The following ZNF420 variants were observed in gnomAD, a reference collection of about 807,000 sequenced individuals.
The protein encoded by ZNF420 is ATM and p53-associated KZNF protein.
ZNF420 carries 31 observed loss-of-function variants against 44.7 expected under a neutral mutation model. That is an observed-to-expected ratio of 0.69 (90% CI 0.52 to 0.94). The LOEUF is 0.94. ZNF420 is among the 40% of genes least tolerant of loss of function. ZNF420 has a pLI of 0.00. For missense variants in ZNF420, 681 were observed against 827.9 expected (o/e 0.82, Z 2.18); for synonymous variants, 245 against 267.4 (o/e 0.92, Z 0.82).
chr19:37,100,143 G>A (rs1969683809), intron 4 of ZNF420, among the ~76,000 whole-genome samples: 1 of 152,198 alleles, frequency 6.6e-6, no homozygotes, highest in South Asian at 2.1e-4. Flanking sequence ...TGGTGAGACA[G>A]GGGTCTAGTT....
rs755850752 is a variant in ZNF420, at chr19:37,128,974, T to C, written c.1983T>C (p.His661=). Residue 661 remains histidine, a synonymous_variant, in exon 5 of 5, where the codon CAT becomes CAC. Coordinates refer to ENST00000337995, the MANE Select transcript of ZNF420 (RefSeq NM_144689.5). ...CTCGTGGTTCACAGCTAACTCAACATCAGAGAATTCATATCAGTGAGAAAT... is the reference window on the plus strand; with the variant it reads ...CTCGTGGTTCACAGCTAACTCAACACCAGAGAATTCATATCAGTGAGAAAT... ...AFTRGSQLTQ[H]QRIHISEKSF... 14 of 1,614,006 alleles carry C rather than the reference T, an allele frequency of 8.7e-6. No individual in the cohort carries two copies. Among genetic ancestry groups the C allele is most frequent in the Middle Eastern group, 1.6e-4 (1 of 6,084 alleles).
At chr19:37,079,330 A>G (rs764004355) in intron 1 of ZNF420, among the ~76,000 whole-genome samples, 15 of 152,164 alleles carry the variant, frequency 9.9e-5, no homozygotes, top group Non-Finnish European at 1.8e-4. Flanking sequence ...TTAGTCCAGT[A>G]CAGAAGTAAA....
intron 1 of ZNF420, among the ~76,000 whole-genome samples, chr19:37,065,313 T>C (rs182199215): frequency 3.6e-4 from 55 of 152,052 alleles, no homozygotes; most frequent in African/African-American, 1.3e-3. Flanking sequence ...CCACAAGGGG[T>C]TTTAGACCCT....
intron 1 of ZNF420, among the ~76,000 whole-genome samples, chr19:37,033,055 G>A (rs1481394028): frequency 6.6e-6 from 1 of 152,194 alleles, no homozygotes; most frequent in Non-Finnish European, 1.5e-5. Flanking sequence ...GATCAGAGCA[G>A]AAGTAGCACT....
chr19:37,051,049 C>T (rs191525200), intron 1 of ZNF420, among the ~76,000 whole-genome samples: 1 of 152,134 alleles, frequency 6.6e-6, no homozygotes. Context: ...GTTGAACCAG[C>T]CTTGCATGCC....
chr19:37,073,210 A>AAAAAAG lies in ZNF420; in HGVS notation c.-124-7129_-124-7124dup, dbSNP rs1968088661. On this transcript the variant is annotated intron_variant, in intron 1 of 4. Coordinates refer to the ZNF420 transcript ENST00000587029. ...TGACAGAGCGAGACCCCATCTCTTTAAAAAAGAAAAATGTCACTGACATAA... is the reference window on the plus strand; with the variant it reads ...TGACAGAGCGAGACCCCATCTCTTTAAAAAAGAAAAAGAAAAATGTCACTGACATAA... Among the ~76,000 whole-genome samples, 2 of 152,136 alleles carry AAAAAAG rather than the reference A, an allele frequency of 1.3e-5. 1 individual carries two copies. The highest frequency in any genetic ancestry group is 4.2e-4 in the South Asian group (2 of 4,818).
intron 4 of ZNF420, among the ~76,000 whole-genome samples, chr19:37,126,831 C>A (rs1971370084): frequency 6.6e-6 from 1 of 151,956 alleles, no homozygotes; most frequent in Non-Finnish European, 1.5e-5. Context: ...TAGATAGGAA[C>A]ATTACTGTAC....
rs375404265 is a variant in ZNF420 at position 37,118,867 on chromosome 19, CAAAG to C, written c.137-8258_137-8255del. 6.0e-3 allele frequency among the ~76,000 whole-genome samples: 915 copies of C among 152,124 alleles called. 23 individuals are homozygous for C. The highest frequency in any genetic ancestry group is 0.048 in the East Asian group (247 of 5,158). ...TTAAACCAACAAAGATCAAAAGAGA[CAAAG>C]AAGGCCATTACATAATGTTAAAGGG... On this transcript the variant is annotated intron_variant, in intron 4 of 4. Transcript: ENST00000337995.
intron 1 of ZNF420, among the ~76,000 whole-genome samples, chr19:37,058,719 C>A (rs759036458): frequency 1.3e-5 from 2 of 152,172 alleles, no homozygotes; most frequent in Admixed American, 6.5e-5. Flanking sequence ...GGCACATGCC[C>A]AGACACCATT....
At chr19:37,023,997 C>T (rs2146387551) in intron 1 of ZNF420, among the ~76,000 whole-genome samples, 1 of 152,134 alleles carries the variant, frequency 6.6e-6, no homozygotes, top group South Asian at 2.1e-4. Context: ...TTTTCATATG[C>T]CTCATGATAC....
At chr19:37,107,142 AC>A (rs1568462577) in intron 4 of ZNF420, 4 of 152,118 alleles carry the variant, frequency 2.6e-5, no homozygotes, top group Non-Finnish European at 5.9e-5. Flanking sequence ...TTCCTCTTTT[AC>A]TAATCCTCCT....
intron 4 of ZNF420, among the ~76,000 whole-genome samples, chr19:37,116,882 G>C (rs1418115393): frequency 6.6e-6 from 1 of 152,174 alleles, no homozygotes; most frequent in East Asian, 1.9e-4. Context: ...CTAGCAAACT[G>C]CAAGGCAGCA....
At chr19:37,107,113 T>C (rs1367936472) in intron 4 of ZNF420, 1 of 152,180 alleles carries the variant, frequency 6.6e-6, no homozygotes, top group African/African-American at 2.4e-5. Flanking sequence ...CTTCCTCTTA[T>C]CTGAACTGCA....
At chr19:37,020,851 CAGAT>C (rs1256431200) in intron 1 of ZNF420, among the ~76,000 whole-genome samples, 6 of 152,052 alleles carry the variant, frequency 3.9e-5, no homozygotes, top group Admixed American at 1.3e-4. Flanking sequence ...ATTATAGAAA[CAGAT>C]AGTAGAATGG....
chr19:37,122,164 G>C (rs1414666022), intron 4 of ZNF420, among the ~76,000 whole-genome samples: 1 of 152,056 alleles, frequency 6.6e-6, no homozygotes, highest in African/African-American at 2.4e-5. Context: ...ACATGCACAC[G>C]TATGTTTATT....
chr19:37,008,127 TC>T, intron 1 of ZNF420: 1 of 297,760 alleles, frequency 3.4e-6, no homozygotes, highest in South Asian at 3.0e-5. Flanking sequence ...CGAGGACAGG[TC>T]TGCCTGTGTG....
chr19:37,041,909 A>G (rs1967459407), intron 1 of ZNF420, among the ~76,000 whole-genome samples: 1 of 152,352 alleles, frequency 6.6e-6, no homozygotes, highest in Admixed American at 6.5e-5. Flanking sequence ...TTCAACTGTC[A>G]ATATACATTT....
upstream of ZNF420, among the ~76,000 whole-genome samples, chr19:37,075,702 A>G (rs1968134688): frequency 6.6e-6 from 1 of 152,160 alleles, no homozygotes; most frequent in Admixed American, 6.5e-5. Context: ...AGAGCGCACC[A>G]CTGCACTCCA....
chr19:37,088,573 C>T (rs913348296), intron 2 of ZNF420, among the ~76,000 whole-genome samples: 4 of 152,104 alleles, frequency 2.6e-5, no homozygotes, highest in Non-Finnish European at 4.4e-5. Context: ...TCTATACGTA[C>T]ACATGAACAC....
Sources: allele counts gnomAD v4.1 joint callset (sites outside exome capture counted in the v4.1 genomes callset), GRCh38; gene constraint gnomAD v4.1.1; transcripts MANE v1.5; gene names NCBI Gene and HGNC (gene_info 2026-07-23, HGNC 2026-07-21).